Variants in FOCAD observed in about 807,000 individuals in gnomAD.
The protein encoded by FOCAD is focadhesin.
Under a neutral mutation model 225.6 loss-of-function variants are expected in FOCAD, and 198 were observed. The observed-to-expected ratio is 0.88, with a 90% confidence interval of 0.78 to 0.99. FOCAD has a LOEUF of 0.99. Among genes scored for constraint, FOCAD ranks in the 50% least tolerant of loss-of-function variants. The probability of loss-of-function intolerance (pLI) is 0.00; values close to 1 mark genes in which losing one functional copy is unlikely to be tolerated. For synonymous variants in FOCAD, 897 were observed against 755.0 expected (o/e 1.19, Z -3.08); for missense variants, 2,713 against 2,123.6 (o/e 1.28, Z -5.46).
intron 1 of FOCAD, among the ~76,000 whole-genome samples, chr9:20,686,986 T>C (rs1046110842): frequency 3.3e-5 from 5 of 151,574 alleles, no homozygotes; most frequent in African/African-American, 7.3e-5. Context: ...TAAGTACTTC[T>C]GGCCTCATAG....
At position 20,866,939 on chromosome 9, in the gene FOCAD, T is replaced by C; in HGVS notation, c.2117T>C (p.Val706Ala). Residue 706 changes from valine to alanine, a missense_variant, in exon 18 of 44, where the codon GTA becomes GCA. Transcript: ENST00000338382. ...WTHTQNKDPI[V>A]ANAAYRSLAN... ...TTTTACCCTATCTAGGACCCAATTG[T>C]AGCAAATGCTGCATATAGATCCCTG... 3.2e-6 allele frequency: 3 copies of C among 950,248 alleles called. No individual in the cohort carries two copies. Among genetic ancestry groups the C allele is most frequent in the Non-Finnish European group, 4.8e-6 (3 of 625,290 alleles). 58.9% of individuals were successfully genotyped at this position (950,248 alleles called of 1,614,324 possible). A position where few individuals can be genotyped will look rare whatever the true frequency, so the allele number is the denominator to read the frequency against.
chr9:20,752,081 G>C lies in FOCAD; in HGVS notation c.393-6009G>C, dbSNP rs1828606624. Among the ~76,000 whole-genome samples the C allele has an allele frequency of 2.1e-5, 3 of 144,312 alleles. No individual in the cohort carries two copies. In the South Asian group the frequency reaches 6.8e-4, roughly 33 times the overall value. 94.7% of individuals were successfully genotyped at this position (144,312 alleles called of 152,430 possible). Reference sequence around the variant, plus strand: ...TAGCCCTTTGTCAGATGAGTAGGTTGTGAAAATTTTCTCCCATTTTGTAGG... The same window carrying C: ...TAGCCCTTTGTCAGATGAGTAGGTTCTGAAAATTTTCTCCCATTTTGTAGG... On this transcript the variant is annotated intron_variant, in intron 5 of 43. Coordinates refer to ENST00000338382, the MANE Select transcript of FOCAD (RefSeq NM_001375567.1).
At chr9:20,884,105 A>G (rs1033938703) in intron 20 of FOCAD, among the ~76,000 whole-genome samples, 1 of 152,172 alleles carries the variant, frequency 6.6e-6, no homozygotes, top group African/African-American at 2.4e-5. Context: ...TAATATGTGC[A>G]AGTATTTCTC....
At chr9:20,667,149 T>G (rs1392274063) in intron 2 of FOCAD, among the ~76,000 whole-genome samples, 3 of 152,370 alleles carry the variant, frequency 2.0e-5, no homozygotes, top group Admixed American at 2.0e-4. Flanking sequence ...TTTCTCTTTC[T>G]TTGTCTATCT....
chr9:20,669,362 C>T (rs1446236118), intron 2 of FOCAD, among the ~76,000 whole-genome samples: 1 of 152,132 alleles, frequency 6.6e-6, no homozygotes, highest in African/African-American at 2.4e-5. Flanking sequence ...AAACCAGAAG[C>T]CTGAGAAGCA....
chr9:20,918,471 C>T (rs976335990), intron 24 of FOCAD, among the ~76,000 whole-genome samples: 1 of 152,212 alleles, frequency 6.6e-6, no homozygotes, highest in African/African-American at 2.4e-5. Context: ...CGCCTGTAAT[C>T]CCAGCACTTT....
chr9:20,967,218 G>A (rs375724496), intron 35 of FOCAD, among the ~76,000 whole-genome samples: 12 of 151,662 alleles, frequency 7.9e-5, no homozygotes, highest in Admixed American at 2.6e-4. Context: ...TAAACTTTTC[G>A]GTGTATAAGT....
chr9:20,729,932 A>T (rs1350920833), intron 4 of FOCAD, among the ~76,000 whole-genome samples: 2 of 152,168 alleles, frequency 1.3e-5, no homozygotes, highest in Non-Finnish European at 2.9e-5. Flanking sequence ...ACCTCCCAGA[A>T]TATTTTCTTT....
chr9:20,666,390 C>G (rs187197953), intron 2 of FOCAD, among the ~76,000 whole-genome samples: 10 of 152,068 alleles, frequency 6.6e-5, no homozygotes, highest in African/African-American at 2.4e-4. Context: ...GGCAACACGA[C>G]AAAATCCCAT....
intron 9 of FOCAD, among the ~76,000 whole-genome samples, chr9:20,779,507 G>T (rs181894074): frequency 5.9e-5 from 9 of 152,310 alleles, no homozygotes; most frequent in Admixed American, 5.9e-4. Flanking sequence ...AACGCTTTGG[G>T]AGGCCGAAGT....
intron 11 of FOCAD, among the ~76,000 whole-genome samples, chr9:20,804,061 T>C (rs1822141957): frequency 6.6e-6 from 1 of 152,128 alleles, no homozygotes; most frequent in African/African-American, 2.4e-5. Flanking sequence ...CGAACCATTT[T>C]CTGTAGTAGA....
intron 35 of FOCAD, among the ~76,000 whole-genome samples, chr9:20,958,459 C>T (rs1278248918): frequency 1.3e-5 from 2 of 151,742 alleles, no homozygotes; most frequent in Non-Finnish European, 2.9e-5. Context: ...TAGAGATGTT[C>T]TGATGATATT....
At chr9:20,938,889 A>G (rs1836317588) in intron 28 of FOCAD, among the ~76,000 whole-genome samples, 1 of 151,932 alleles carries the variant, frequency 6.6e-6, no homozygotes, top group Non-Finnish European at 1.5e-5. Flanking sequence ...ATATAAATGT[A>G]TTATTACCAC....
intron 2 of FOCAD, among the ~76,000 whole-genome samples, chr9:20,674,479 C>G (rs1001040287): frequency 6.6e-6 from 1 of 152,034 alleles, no homozygotes; most frequent in African/African-American, 2.4e-5. Flanking sequence ...ACAATTAGGC[C>G]TGGATATTAT....
chr9:20,752,172 A>G (rs554739663), intron 5 of FOCAD, among the ~76,000 whole-genome samples: 1,968 of 151,366 alleles, frequency 0.013, 62 homozygotes, highest in African/African-American at 0.046. Flanking sequence ...ATTAGATCCC[A>G]TTTGTCAATT....
chr9:20,812,688 T>C (rs1823219089), intron 11 of FOCAD, among the ~76,000 whole-genome samples: 2 of 152,158 alleles, frequency 1.3e-5, no homozygotes, highest in South Asian at 2.1e-4. Flanking sequence ...TTGCTGTTAC[T>C]CTGCCAAGGT....
At chr9:20,838,765 T>C (rs1401642677) in intron 15 of FOCAD, among the ~76,000 whole-genome samples, 1 of 152,104 alleles carries the variant, frequency 6.6e-6, no homozygotes, top group African/African-American at 2.4e-5. Flanking sequence ...ATTATTTGAG[T>C]TCCCCATGAC....
chr9:20,824,057 T>A (rs555243217), intron 15 of FOCAD, among the ~76,000 whole-genome samples: 2 of 152,202 alleles, frequency 1.3e-5, no homozygotes, highest in South Asian at 4.1e-4. Context: ...GTGAACATCA[T>A]TGCTGTTTAA....
chr9:20,844,749 G>A (rs1826910040), intron 15 of FOCAD, among the ~76,000 whole-genome samples: 1 of 151,978 alleles, frequency 6.6e-6, no homozygotes. Context: ...GTATTTAGAG[G>A]ATTTAAACTA....
Sources: allele counts gnomAD v4.1 joint callset (sites outside exome capture counted in the v4.1 genomes callset), GRCh38; gene constraint gnomAD v4.1.1; transcripts MANE v1.5; gene names NCBI Gene and HGNC (gene_info 2026-07-23, HGNC 2026-07-21).